DRG1: variants seen among roughly 807,000 people sequenced by gnomAD.
DRG1 encodes the protein developmentally-regulated GTP-binding protein 1.
In DRG1, 19 loss-of-function variants were observed where a neutral mutation model predicts 38.8. The ratio of observed to expected loss-of-function variants is 0.49; its 90% CI spans 0.34 to 0.72. The LOEUF (loss-of-function observed/expected upper bound fraction) is 0.72. DRG1 is among the 30% of genes least tolerant of loss of function. DRG1 has a pLI of 0.01. For missense variants in DRG1, 299 were observed against 444.8 expected (o/e 0.67, Z 2.95); for synonymous variants, 167 against 157.5 (o/e 1.06, Z -0.45).
intron 4 of DRG1, among the ~76,000 whole-genome samples, chr22:31,419,734 TA>T (rs1191444984): frequency 2.0e-5 from 3 of 152,114 alleles, no homozygotes; most frequent in Non-Finnish European, 4.4e-5. Flanking sequence ...TGTACCTCAA[TA>T]AATTTGGTTA....
chr22:31,431,059 G>C (rs1352001332), intron 8 of DRG1, among the ~76,000 whole-genome samples: 2 of 115,270 alleles, frequency 1.7e-5, no homozygotes, highest in Non-Finnish European at 3.4e-5. Context: ...TTTTTGAGAC[G>C]GAGTCTTGCT....
chr22:31,417,303 A>C (rs1164428022), intron 4 of DRG1, among the ~76,000 whole-genome samples: 4 of 151,396 alleles, frequency 2.6e-5, no homozygotes, highest in Admixed American at 2.0e-4. Flanking sequence ...CCTGGGAGGC[A>C]GAGGTTGCAG....
intron 6 of DRG1, among the ~76,000 whole-genome samples, chr22:31,423,929 G>A (rs972530056): frequency 6.8e-6 from 1 of 146,372 alleles, no homozygotes; most frequent in African/African-American, 2.5e-5. Context: ...CAGTGGCGCA[G>A]TCTCGGCTCA....
chr22:31,403,606 G>A (rs779144391), intron 3 of DRG1, among the ~76,000 whole-genome samples: 1 of 152,134 alleles, frequency 6.6e-6, no homozygotes, highest in Non-Finnish European at 1.5e-5. Flanking sequence ...TTCACCTGAG[G>A]GTGGGGGCTG....
chr22:31,399,965 G>T (rs1213308766), intron 1 of DRG1, among the ~76,000 whole-genome samples: 1 of 151,972 alleles, frequency 6.6e-6, no homozygotes, highest in Non-Finnish European at 1.5e-5. Context: ...GCCCGGGCCC[G>T]CGTTCCGCAC....
intron 4 of DRG1, among the ~76,000 whole-genome samples, chr22:31,411,718 C>T (rs1248654804): frequency 2.0e-5 from 3 of 150,674 alleles, no homozygotes; most frequent in African/African-American, 4.9e-5. Flanking sequence ...TTGGTAGAGA[C>T]GGAGTTTCAC....
intron 1 of DRG1, 115 bp from the exon 2 acceptor site, chr22:31,400,505 A>G: frequency 7.4e-7 from 1 of 1,359,760 alleles, no homozygotes; most frequent in Non-Finnish European, 1.0e-6. Context: ...ACTCTTTTAA[A>G]GCCTGTAAAC....
intron 4 of DRG1, among the ~76,000 whole-genome samples, 164 bp from the exon 5 acceptor site, chr22:31,420,092 G>A (rs1194153423): frequency 2.0e-5 from 3 of 152,118 alleles, no homozygotes; most frequent in Non-Finnish European, 4.4e-5. Flanking sequence ...TTGACTTCTG[G>A]TATAAATCTT....
intron 4 of DRG1, among the ~76,000 whole-genome samples, chr22:31,417,026 T>C (rs557336617): frequency 6.7e-6 from 1 of 150,212 alleles, no homozygotes; most frequent in East Asian, 2.0e-4. Context: ...ATCATGCCAC[T>C]GCACTGCAGC....
rs200607015 is a variant in DRG1 at position 31,420,435 on chromosome 22, G to T, written c.582+10G>T. ...TAATCTCACAGCCACTGTAAGTGGG[G>T]AATATGACATGGGGCAGGCTGCTGC... On this transcript the variant is annotated intron_variant, in intron 5 of 8. Coordinates refer to ENST00000331457, the MANE Select transcript of DRG1 (RefSeq NM_004147.4). 1 of 1,614,058 alleles carries T rather than the reference G, an allele frequency of 6.2e-7. No homozygotes were observed. The highest frequency in any genetic ancestry group is 1.3e-5 in the African/African-American group (1 of 75,044).
Position 31,403,138 on chromosome 22 carries a change from A to C in DRG1, c.276A>C (p.Ala92=). 1 of 1,614,168 alleles carries C rather than the reference A, an allele frequency of 6.2e-7. No homozygotes were observed. The highest frequency in any genetic ancestry group is 8.5e-7 in the Non-Finnish European group (1 of 1,180,034). The change falls in exon 3 of 9, where the codon GCA becomes GCC. Residue 92 remains alanine (A), a synonymous_variant. Transcript: ENST00000331457. ...SNLAGVYSEV[A]AYEFTTLTTV... ...TGGCAGGGGTATATTCTGAGGTGGCAGCCTATGAATTCACTACTCTGACCA... is the reference window on the plus strand; with the variant it reads ...TGGCAGGGGTATATTCTGAGGTGGCCGCCTATGAATTCACTACTCTGACCA...
chr22:31,401,965 C>T (rs1256361447), intron 2 of DRG1, among the ~76,000 whole-genome samples: 4 of 151,884 alleles, frequency 2.6e-5, no homozygotes, highest in East Asian at 1.9e-4. Context: ...GCAGGAGAAT[C>T]GCTTGAACCT....
chr22:31,431,035 CTTTTTT>C (rs1365360511), intron 8 of DRG1, among the ~76,000 whole-genome samples: 1 of 56,762 alleles, frequency 1.8e-5, no homozygotes, highest in Non-Finnish European at 3.2e-5. Context: ...CCCCCCCCCG[CTTTTTT>C]TTTTTTTTTT....
At chr22:31,400,578 G>A (rs768006293) in intron 1 of DRG1, 42 bp from the exon 2 acceptor site, 9 of 1,599,532 alleles carry the variant, frequency 5.6e-6, no homozygotes, top group Non-Finnish European at 6.8e-6. Context: ...TGGGGGAAGC[G>A]TTCACTGCTT....
At chr22:31,422,169 C>A (rs1053697210) in intron 5 of DRG1, among the ~76,000 whole-genome samples, 1 of 151,014 alleles carries the variant, frequency 6.6e-6, no homozygotes, top group African/African-American at 2.4e-5. Flanking sequence ...CGGTGGCTTA[C>A]GCCTGTAATC....
chr22:31,403,817 G>C (rs966170368), intron 3 of DRG1, among the ~76,000 whole-genome samples: 8 of 151,902 alleles, frequency 5.3e-5, no homozygotes, highest in Admixed American at 3.9e-4. Context: ...TTTCCAGCTG[G>C]TCAGGTGCCC....
intron 3 of DRG1, among the ~76,000 whole-genome samples, chr22:31,407,685 CTTTTTT>C (rs71319190): frequency 7.3e-6 from 1 of 137,220 alleles, no homozygotes; most frequent in Non-Finnish European, 1.6e-5. Flanking sequence ...TTTCATTTTT[CTTTTTT>C]TTTTTTTTGA....
At chr22:31,417,611 C>T (rs542429412) in intron 4 of DRG1, among the ~76,000 whole-genome samples, 20 of 150,840 alleles carry the variant, frequency 1.3e-4, no homozygotes, top group Admixed American at 4.7e-4. Flanking sequence ...ACCCAGGAGG[C>T]GGAGGTTGCA....
intron 4 of DRG1, among the ~76,000 whole-genome samples, chr22:31,412,427 T>G (rs1224107726): frequency 6.9e-6 from 1 of 145,608 alleles, no homozygotes; most frequent in Non-Finnish European, 1.5e-5. Flanking sequence ...CTTGGCACAC[T>G]GCAAGCTCCG....
Sources: allele counts gnomAD v4.1 joint callset (sites outside exome capture counted in the v4.1 genomes callset), GRCh38; gene constraint gnomAD v4.1.1; transcripts MANE v1.5; gene names NCBI Gene and HGNC (gene_info 2026-07-23, HGNC 2026-07-21).